EPYC: variants seen among roughly 807,000 people sequenced by gnomAD.
EPYC encodes the protein dermatan sulfate proteoglycan 3.
EPYC carries 28 observed loss-of-function variants against 30.1 expected under a neutral mutation model. The ratio of observed to expected loss-of-function variants is 0.93; its 90% CI spans 0.69 to 1.28. The LOEUF is 1.28. Ranked by LOEUF, EPYC falls within the 50% of genes most tolerant of loss-of-function variation. The pLI is 0.00. For synonymous variants in EPYC, 144 were observed against 141.4 expected, an observed-to-expected ratio of 1.02 and a Z score of -0.13; for missense variants, 382 against 383.5, an observed-to-expected ratio of 1.00 and a Z score of 0.03.
chr12:91,004,908 G>T (rs933441161), intron 1 of EPYC, 39 bp downstream of exon 1: 4 of 152,064 alleles, frequency 2.6e-5, no homozygotes, highest in Admixed American at 2.6e-4. Flanking sequence ...AGTAGGGAAA[G>T]AACTCTGACC....
chr12:91,003,392 T>C (rs567002478), intron 1 of EPYC, among the ~76,000 whole-genome samples: 1 of 152,174 alleles, frequency 6.6e-6, no homozygotes, highest in East Asian at 1.9e-4. Context: ...AATACATGTT[T>C]AAAAGGCACT....
rs200299078 is a variant in EPYC, at chr12:90,974,029, T to TACACACACACAC, written c.341-1050_341-1049insGTGTGTGTGTGT. On this transcript the variant is annotated intron_variant, in intron 3 of 6. Coordinates refer to ENST00000261172, the MANE Select transcript of EPYC (RefSeq NM_004950.5). ...ACATACTGATTTTTCTTTTCTGTCTTACACACACTCACACACACACACACA... is the reference window on the plus strand; with the variant it reads ...ACATACTGATTTTTCTTTTCTGTCTTACACACACACACACACACACTCACACACACACACACA... Among the ~76,000 whole-genome samples the TACACACACACAC allele has an allele frequency of 3.0e-3, 242 of 81,108 alleles. 1 individual carries two copies. The highest frequency in any genetic ancestry group is 8.0e-3 in the African/African-American group (191 of 23,890). The allele number at this position is 81,108 out of a possible 152,430, so 53.2% of individuals were successfully genotyped here.
chr12:90,964,457 T>C (rs1339225948), intron 6 of EPYC, 131 bp from the exon 7 acceptor site: 1 of 595,636 alleles, frequency 1.7e-6, no homozygotes, highest in African/African-American at 1.9e-5. Flanking sequence ...ACTTAATGTA[T>C]ATGCCAAGCA....
intron 2 of EPYC, among the ~76,000 whole-genome samples, chr12:90,999,630 A>T (rs73371268): frequency 1.9e-3 from 292 of 152,228 alleles, no homozygotes; most frequent in African/African-American, 6.4e-3. Context: ...GAACATTTGA[A>T]ACAACTCACC....
intron 2 of EPYC, among the ~76,000 whole-genome samples, chr12:91,001,847 T>C (rs980545870): frequency 6.6e-6 from 1 of 152,060 alleles, no homozygotes; most frequent in South Asian, 2.1e-4. Context: ...TACATTTTTA[T>C]GTTCAATTTG....
chr12:90,969,005 A>T (rs985056159), intron 6 of EPYC, among the ~76,000 whole-genome samples: 9 of 145,684 alleles, frequency 6.2e-5, no homozygotes, highest in Non-Finnish European at 1.2e-4. Flanking sequence ...ATATATACAT[A>T]TATATATATA....
chr12:90,976,294 A>T (rs1877178458), intron 3 of EPYC, among the ~76,000 whole-genome samples: 2 of 152,114 alleles, frequency 1.3e-5, no homozygotes, highest in Non-Finnish European at 2.9e-5. Context: ...TACACTAAAA[A>T]TTTTGAGAGA....
chr12:91,004,680 G>A (rs542823289), intron 1 of EPYC, among the ~76,000 whole-genome samples: 62 of 152,012 alleles, frequency 4.1e-4, no homozygotes, highest in African/African-American at 1.3e-3. Flanking sequence ...TTTACTTAAG[G>A]CATATATTGG....
At chr12:90,990,917 G>A (rs1877569036) in intron 2 of EPYC, among the ~76,000 whole-genome samples, 2 of 152,064 alleles carry the variant, frequency 1.3e-5, no homozygotes, top group East Asian at 1.9e-4. Context: ...CCTCTTCAAT[G>A]TCCATTCTAT....
intron 2 of EPYC, among the ~76,000 whole-genome samples, chr12:90,996,815 T>C (rs1235957165): frequency 6.6e-6 from 1 of 152,052 alleles, no homozygotes; most frequent in Non-Finnish European, 1.5e-5. Flanking sequence ...CCTTTATTCA[T>C]TGCTACAGTT....
chr12:90,990,711 G>A (rs1279887670), intron 2 of EPYC, among the ~76,000 whole-genome samples: 3 of 152,034 alleles, frequency 2.0e-5, no homozygotes, highest in African/African-American at 4.8e-5. Flanking sequence ...CTCCATAATA[G>A]CATAAGGCAA....
intron 2 of EPYC, among the ~76,000 whole-genome samples, chr12:91,000,085 A>G (rs916742336): frequency 1.3e-5 from 2 of 152,022 alleles, no homozygotes; most frequent in African/African-American, 4.8e-5. Context: ...CCGTCTACCT[A>G]CAAACTGGTT....
chr12:90,986,453 C>T (rs1450803115), intron 2 of EPYC, among the ~76,000 whole-genome samples: 1 of 152,100 alleles, frequency 6.6e-6, no homozygotes, highest in Non-Finnish European at 1.5e-5. Flanking sequence ...ACAGTAATTC[C>T]TCTATATCCA....
intron 3 of EPYC, among the ~76,000 whole-genome samples, chr12:90,975,249 C>A (rs1055211059): frequency 1.3e-5 from 2 of 151,906 alleles, no homozygotes; most frequent in African/African-American, 2.4e-5. Flanking sequence ...GCATTTGATT[C>A]TTCTATATAT....
intron 2 of EPYC, among the ~76,000 whole-genome samples, chr12:90,987,547 C>T (rs1877483331): frequency 6.6e-6 from 1 of 152,176 alleles, no homozygotes; most frequent in South Asian, 2.1e-4. Flanking sequence ...TTAGCTATGG[C>T]TCAGACATCT....
chr12:90,982,396 T>C (rs1018410513), intron 2 of EPYC, among the ~76,000 whole-genome samples: 1 of 152,096 alleles, frequency 6.6e-6, no homozygotes, highest in African/African-American at 2.4e-5. Flanking sequence ...TATAGCATTT[T>C]CATCACCCAA....
rs1466991941 is a variant in EPYC, at chr12:90,978,077, A to G, written c.340+11T>C. 1.9e-6 allele frequency: 3 copies of G among 1,545,254 alleles called. No individual in the cohort carries two copies. In the East Asian group the frequency reaches 7.2e-5, roughly 37 times the overall value. ...TGGACTCAATTGTAATTCTGCTTTGAGGTACCTGACCTTCATTTGTGTGTG... is the reference window on the plus strand; with the variant it reads ...TGGACTCAATTGTAATTCTGCTTTGGGGTACCTGACCTTCATTTGTGTGTG... On this transcript the variant is annotated intron_variant, in intron 3 of 6. Coordinates refer to ENST00000261172, the MANE Select transcript of EPYC (RefSeq NM_004950.5).
intron 2 of EPYC, among the ~76,000 whole-genome samples, chr12:90,992,166 C>A (rs1877600533): frequency 6.6e-6 from 1 of 152,132 alleles, no homozygotes; most frequent in African/African-American, 2.4e-5. Flanking sequence ...CAACTCAGAT[C>A]CCCTGAATGC....
chr12:91,000,679 G>C (rs1877802330), intron 2 of EPYC, among the ~76,000 whole-genome samples: 1 of 151,982 alleles, frequency 6.6e-6, no homozygotes, highest in Admixed American at 6.6e-5. Flanking sequence ...AGAAGATTCA[G>C]TTATAGTGAT....
Sources: gnomAD v4.1 joint callset for allele counts (sites outside exome capture counted in the v4.1 genomes callset) on GRCh38, gnomAD v4.1.1 for gene constraint, MANE v1.5 for transcripts, NCBI Gene and HGNC (gene_info 2026-07-23, HGNC 2026-07-21) for gene names.